EML5: variants seen among roughly 807,000 people sequenced by gnomAD.
The protein encoded by EML5 is echinoderm microtubule-associated protein-like 5.
Under a neutral mutation model 250.0 loss-of-function variants are expected in EML5, and 120 were observed. The ratio of observed to expected loss-of-function variants is 0.48; its 90% CI spans 0.41 to 0.56. EML5 has a LOEUF of 0.56. Among genes scored for constraint, EML5 ranks in the 20% least tolerant of loss-of-function variants. The pLI, the probability that EML5 is intolerant of heterozygous loss-of-function variation, is 0.00. For synonymous variants in EML5, 771 were observed against 806.5 expected (o/e 0.96, Z 0.75); for missense variants, 2,006 against 2,437.6 (o/e 0.82, Z 3.73).
chr14:88,742,551 C>T (rs1407231841), intron 4 of EML5, among the ~76,000 whole-genome samples: 1 of 152,066 alleles, frequency 6.6e-6, no homozygotes, highest in East Asian at 1.9e-4. Flanking sequence ...TTTATAAAAA[C>T]CTGAAAATGG....
intron 9 of EML5, among the ~76,000 whole-genome samples, chr14:88,713,644 A>T (rs1286095190): frequency 6.9e-6 from 1 of 145,838 alleles, no homozygotes; most frequent in African/African-American, 2.6e-5. Flanking sequence ...TTTGGTAGAC[A>T]TGTGGTCTCA....
At chr14:88,747,440 TAAAC>T (rs1212313464) in intron 2 of EML5, among the ~76,000 whole-genome samples, 3 of 150,890 alleles carry the variant, frequency 2.0e-5, no homozygotes, top group East Asian at 3.9e-4. Context: ...GCTGAAAAAA[TAAAC>T]AAACCACCCC....
intron 2 of EML5, among the ~76,000 whole-genome samples, chr14:88,752,509 T>C (rs1012404050): frequency 6.6e-6 from 1 of 152,202 alleles, no homozygotes. Context: ...CACTGCTATA[T>C]GGTGATATAA....
At chr14:88,640,517 C>T (rs2140605221) in intron 31 of EML5, among the ~76,000 whole-genome samples, 1 of 152,154 alleles carries the variant, frequency 6.6e-6, no homozygotes, top group African/African-American at 2.4e-5. Context: ...AAAACAGAGA[C>T]ACAACATACC....
intron 31 of EML5, among the ~76,000 whole-genome samples, chr14:88,640,821 T>A (rs1204894676): frequency 6.6e-6 from 1 of 151,700 alleles, no homozygotes; most frequent in Non-Finnish European, 1.5e-5. Context: ...AGTAGTTAGC[T>A]TAACAAAAAA....
intron 3 of EML5, among the ~76,000 whole-genome samples, chr14:88,745,187 G>GTA (rs2093987518): frequency 6.6e-6 from 1 of 151,856 alleles, no homozygotes. Flanking sequence ...GTGTGTGTGT[G>GTA]TGTGTGTGTG....
chr14:88,730,718 C>A (rs1435577853), intron 7 of EML5, among the ~76,000 whole-genome samples: 1 of 152,098 alleles, frequency 6.6e-6, no homozygotes, highest in Non-Finnish European at 1.5e-5. Flanking sequence ...CTGCATGAAA[C>A]AACTAGAGAC....
At chr14:88,780,689 C>T (rs2094489779) in intron 1 of EML5, among the ~76,000 whole-genome samples, 1 of 152,124 alleles carries the variant, frequency 6.6e-6, no homozygotes, top group African/African-American at 2.4e-5. Flanking sequence ...AATTCTTGTG[C>T]CTCAGACTCC....
intron 9 of EML5, among the ~76,000 whole-genome samples, chr14:88,713,036 A>G (rs964295923): frequency 2.0e-5 from 3 of 152,150 alleles, no homozygotes; most frequent in African/African-American, 7.2e-5. Flanking sequence ...TTATGCAGCT[A>G]ATTTTATATA....
At chr14:88,719,958 C>A (rs1468727241) in intron 8 of EML5, among the ~76,000 whole-genome samples, 1 of 152,042 alleles carries the variant, frequency 6.6e-6, no homozygotes, top group Non-Finnish European at 1.5e-5. Flanking sequence ...AAGGGGATAT[C>A]ACCATTGACC....
At chr14:88,666,784 T>C (rs1352604646) in intron 21 of EML5, among the ~76,000 whole-genome samples, 1 of 152,168 alleles carries the variant, frequency 6.6e-6, no homozygotes, top group East Asian at 1.9e-4. Context: ...AGGATTTTGG[T>C]ATCTTGTATG....
chr14:88,629,592 G>C (rs565401363), intron 33 of EML5, among the ~76,000 whole-genome samples: 6 of 152,240 alleles, frequency 3.9e-5, no homozygotes, highest in Non-Finnish European at 7.4e-5. Context: ...TGATGCTTGG[G>C]TAACACATAA....
Position 88,642,932 on chromosome 14 carries a change from G to C in EML5, c.4198C>G (p.His1400Asp), listed in dbSNP as rs2091150030. 6.2e-7 allele frequency: 1 copy of C among 1,606,076 alleles called. No homozygotes were observed. Among genetic ancestry groups the C allele is most frequent in the Non-Finnish European group, 8.5e-7 (1 of 1,177,420 alleles). ...TGCAGAATTCCAACAGATGCAGTGT[G>C]ATAAATTATATCATCACCATCATTT... Reference protein sequence around the residue: ...YLNDGDDIIYHTASVGILHNV... With the variant: ...YLNDGDDIIYDTASVGILHNV... The change falls in exon 31 of 44, where the codon CAC (histidine) becomes GAC (aspartate). Residue 1400 changes from histidine (H) to aspartate (D), a missense_variant. By Grantham distance (81) the His-to-Asp change is moderately conservative. Coordinates refer to ENST00000554922, the MANE Select transcript of EML5 (RefSeq NM_183387.3).
intron 20 of EML5, among the ~76,000 whole-genome samples, chr14:88,684,363 G>C (rs1243294934): frequency 7.9e-6 from 1 of 126,930 alleles, no homozygotes; most frequent in Non-Finnish European, 1.6e-5. Context: ...GTAGAGACGG[G>C]GTTTCACCGT....
intron 14 of EML5, among the ~76,000 whole-genome samples, chr14:88,697,416 A>T (rs2093104398): frequency 6.6e-6 from 1 of 152,210 alleles, no homozygotes; most frequent in Admixed American, 6.5e-5. Context: ...GGCCTTCAGA[A>T]AGCACAGAAC....
chr14:88,727,328 C>G (rs2093681473), intron 7 of EML5, among the ~76,000 whole-genome samples: 1 of 151,622 alleles, frequency 6.6e-6, no homozygotes, highest in Admixed American at 6.6e-5. Flanking sequence ...AGCTGAGGAG[C>G]AGTGCAAAGG....
At chr14:88,713,326 A>G (rs117703861) in intron 9 of EML5, among the ~76,000 whole-genome samples, 2,244 of 152,094 alleles carry the variant, frequency 0.015, 40 homozygotes, top group South Asian at 0.076. Flanking sequence ...TGGGAGGCAG[A>G]GGCTGTAGTG....
chr14:88,766,440 G>A (rs1356720748), intron 1 of EML5, among the ~76,000 whole-genome samples: 1 of 152,176 alleles, frequency 6.6e-6, no homozygotes, highest in Admixed American at 6.5e-5. Flanking sequence ...TTTTACAGTT[G>A]TGGATAAGGG....
At chr14:88,630,865 A>G (rs1212511527) in intron 33 of EML5, among the ~76,000 whole-genome samples, 1 of 152,202 alleles carries the variant, frequency 6.6e-6, no homozygotes, top group African/African-American at 2.4e-5. Flanking sequence ...TGAAGCCAAC[A>G]CTGTGGATAG....
Sources: allele counts gnomAD v4.1 joint callset (sites outside exome capture counted in the v4.1 genomes callset), GRCh38; gene constraint gnomAD v4.1.1; transcripts MANE v1.5; gene names NCBI Gene and HGNC (gene_info 2026-07-23, HGNC 2026-07-21).